Variants in C6 observed in about 807,000 individuals in gnomAD.
C6 encodes the protein complement C6.
Under a neutral mutation model 112.9 loss-of-function variants are expected in C6, and 101 were observed. The ratio of observed to expected loss-of-function variants is 0.89; its 90% CI spans 0.76 to 1.06. C6 has a LOEUF of 1.06. Among genes scored for constraint, C6 ranks in the 50% least tolerant of loss-of-function variants. The pLI, the probability that C6 is intolerant of heterozygous loss-of-function variation, is 0.00. For missense variants in C6, 1,202 were observed against 1,104.6 expected (o/e 1.09, Z -1.25); for synonymous variants, 431 against 384.1 (o/e 1.12, Z -1.43).
chr5:41,169,659 G>A (rs1161085498), intron 9 of C6, among the ~76,000 whole-genome samples: 1 of 152,052 alleles, frequency 6.6e-6, no homozygotes, highest in Admixed American at 6.6e-5. Context: ...TGAAGAGGAA[G>A]GAGTCACGTC....
In C6 at chr5:41,155,029, G is replaced by C. The variant is rs981885796; in HGVS notation, c.2044C>G (p.Gln682Glu). 1 of 1,613,194 alleles carries C rather than the reference G, an allele frequency of 6.2e-7. No homozygotes were observed. The highest frequency in any genetic ancestry group is 1.3e-5 in the African/African-American group (1 of 74,852). Reference protein sequence around the residue: ...CLTGFETVGYQYFRCLPDGTW... With the variant: ...CLTGFETVGYEYFRCLPDGTW... The stretch of plus-strand genomic sequence containing the variant: ...CCGTCTGGTAAGCATCTGAAGTACT[G>C]GTATCCAACAGTTTCAAAGCCAGTA... The change falls in exon 14 of 18, where the codon CAG (glutamine) becomes GAG (glutamate). Residue 682 changes from glutamine to glutamate, a missense_variant. Coordinates refer to ENST00000337836, the MANE Select transcript of C6 (RefSeq NM_000065.5).
intron 1 of C6, among the ~76,000 whole-genome samples, chr5:41,219,839 G>T (rs920816550): frequency 3.3e-5 from 5 of 152,148 alleles, no homozygotes; most frequent in South Asian, 4.1e-4. Context: ...CAGGAGAAAG[G>T]TTGTCTCAGT....
chr5:41,221,085 T>A (rs1177959766), intron 1 of C6, among the ~76,000 whole-genome samples: 1 of 152,040 alleles, frequency 6.6e-6, no homozygotes, highest in African/African-American at 2.4e-5. Context: ...AAGCCACTAC[T>A]CCACCCTGTC....
chr5:41,177,596 T>A (rs1383990089), intron 7 of C6, among the ~76,000 whole-genome samples: 1 of 145,872 alleles, frequency 6.9e-6, no homozygotes, highest in Non-Finnish European at 1.5e-5. Context: ...AACTGTATTA[T>A]AACTGTTAAT....
chr5:41,233,928 T>C (rs1431691651), intron 1 of C6, among the ~76,000 whole-genome samples: 1 of 152,052 alleles, frequency 6.6e-6, no homozygotes, highest in African/African-American at 2.4e-5. Flanking sequence ...ATGACAGCAT[T>C]AATAGTATCA....
chr5:41,143,502 A>G (rs965387819), intron 17 of C6, among the ~76,000 whole-genome samples: 1 of 152,136 alleles, frequency 6.6e-6, no homozygotes, highest in Non-Finnish European at 1.5e-5. Context: ...ATTCATCGTT[A>G]TCATTTGTAG....
At chr5:41,157,523 T>TA (rs1157049339) in intron 13 of C6, among the ~76,000 whole-genome samples, 2 of 152,192 alleles carry the variant, frequency 1.3e-5, no homozygotes, top group Non-Finnish European at 2.9e-5. Flanking sequence ...AGACGATATG[T>TA]AAACATATGA....
chr5:41,220,743 C>G (rs902049922), intron 1 of C6, among the ~76,000 whole-genome samples: 1 of 151,848 alleles, frequency 6.6e-6, no homozygotes, highest in Non-Finnish European at 1.5e-5. Context: ...ATTTTAGATA[C>G]AGGAGGTACA....
chr5:41,236,403 T>C (rs1354390025), intron 1 of C6, among the ~76,000 whole-genome samples: 9 of 151,664 alleles, frequency 5.9e-5, no homozygotes, highest in Admixed American at 2.6e-4. Context: ...TGCGGCATTA[T>C]TTCTCAGGAT....
intron 3 of C6, among the ~76,000 whole-genome samples, chr5:41,200,880 T>C (rs952431319): frequency 8.7e-4 from 95 of 109,194 alleles, no homozygotes; most frequent in African/African-American, 3.5e-3. Flanking sequence ...TTTGTTGTTG[T>C]TGTTGTTGTT....
Position 41,155,115 on chromosome 5 carries a change from G to A in C6, c.1969-11C>T. 3 of 1,610,662 alleles carry A rather than the reference G, an allele frequency of 1.9e-6. No homozygotes were observed. Among genetic ancestry groups the A allele is most frequent in the Non-Finnish European group, 2.5e-6 (3 of 1,177,098 alleles). ...TAGTTGCTTTTCATTCTTAATTAAA[G>A]CAGAAACCAGAAATTATTAATGCTA... On this transcript the variant is annotated splice_polypyrimidine_tract_variant and intron_variant, in intron 13 of 17. Transcript: ENST00000337836.
chr5:41,170,409 A>G (rs1463484496), intron 9 of C6, among the ~76,000 whole-genome samples: 4 of 151,862 alleles, frequency 2.6e-5, no homozygotes, highest in African/African-American at 9.6e-5. Flanking sequence ...ATCTGTTTTA[A>G]TTAATTCTTG....
chr5:41,200,045 C>T lies in C6; in HGVS notation c.301-133G>A, dbSNP rs546962445. 33 of 803,246 alleles carry T rather than the reference C, an allele frequency of 4.1e-5. 1 individual carries two copies. The South Asian group carries it at 4.8e-4, about 12-fold the overall frequency. The allele number at this position is 803,246 out of a possible 1,614,324, so 49.8% of individuals were successfully genotyped here. A position where few individuals can be genotyped will look rare whatever the true frequency, so the allele number is the denominator to read the frequency against. On this transcript the variant is annotated intron_variant, in intron 3 of 17. Transcript: ENST00000337836. ...ATTTCTTATATTTTTACTAATGATT[C>T]TTCCAATTCCATTATTATGCTCCCT...
intron 1 of C6, among the ~76,000 whole-genome samples, chr5:41,257,700 T>A (rs765489768): frequency 6.6e-6 from 1 of 152,192 alleles, no homozygotes; most frequent in Non-Finnish European, 1.5e-5. Context: ...ACCTACCTGC[T>A]TTTGTAGGCA....
chr5:41,199,947 G>T (rs1427833919), intron 3 of C6, 35 bp from the exon 4 acceptor site: 1 of 1,611,202 alleles, frequency 6.2e-7, no homozygotes, highest in Non-Finnish European at 8.5e-7. Flanking sequence ...TAACTCTGAG[G>T]CAGGGTCAAG....
upstream of C6, among the ~76,000 whole-genome samples, chr5:41,216,249 C>G (rs988153535): frequency 3.9e-5 from 6 of 152,098 alleles, no homozygotes; most frequent in African/African-American, 1.2e-4. Flanking sequence ...ATACAACCAG[C>G]CTACACCAAC....
At chr5:41,185,624 C>T (rs1305161418) in intron 6 of C6, among the ~76,000 whole-genome samples, 1 of 152,064 alleles carries the variant, frequency 6.6e-6, no homozygotes, top group Non-Finnish European at 1.5e-5. Context: ...AGAACTATCT[C>T]ATTAGACTGA....
intron 15 of C6, among the ~76,000 whole-genome samples, chr5:41,151,532 T>G (rs527452372): frequency 6.6e-6 from 1 of 152,258 alleles, no homozygotes; most frequent in South Asian, 2.1e-4. Context: ...ACAACGTAGA[T>G]ATATAGGAAT....
In C6 at chr5:41,160,036, A is replaced by T; in HGVS notation, c.1684+106T>A. ...TTTATCTTCCCTCTGAGCCTGTACA[A>T]GGTGGAGGTTGCTAATAGAAGTTTT... On this transcript the variant is annotated intron_variant, in intron 11 of 17. Coordinates refer to ENST00000337836, the MANE Select transcript of C6 (RefSeq NM_000065.5). The T allele has an allele frequency of 3.5e-6, 3 of 857,094 alleles. 1 individual carries two copies. Among genetic ancestry groups the T allele is most frequent in the Non-Finnish European group, 5.8e-6 (3 of 513,662 alleles). 53.1% of individuals were successfully genotyped at this position (857,094 alleles called of 1,614,324 possible). A position where few individuals can be genotyped will look rare whatever the true frequency, so the allele number is the denominator to read the frequency against.
Sources: gnomAD v4.1 joint callset for allele counts (sites outside exome capture counted in the v4.1 genomes callset) on GRCh38, gnomAD v4.1.1 for gene constraint, MANE v1.5 for transcripts, NCBI Gene and HGNC (gene_info 2026-07-23, HGNC 2026-07-21) for gene names.